ASCC3: variants seen among roughly 807,000 people sequenced by gnomAD.
ASCC3 encodes the protein ASC-1 complex subunit P200.
ASCC3 carries 158 observed loss-of-function variants against 256.3 expected under a neutral mutation model. The observed-to-expected ratio is 0.62, with a 90% CI of 0.54 to 0.70. The LOEUF is 0.70. Among genes scored for constraint, ASCC3 ranks in the 30% least tolerant of loss-of-function variants. The pLI is 0.00. For missense variants in ASCC3, 2,259 were observed against 2,626.0 expected (o/e 0.86, Z 3.05); for synonymous variants, 948 against 883.4 (o/e 1.07, Z -1.30).
At chr6:100,778,560 A>T (rs1782298879) in intron 8 of ASCC3, among the ~76,000 whole-genome samples, 1 of 152,134 alleles carries the variant, frequency 6.6e-6, no homozygotes, top group Non-Finnish European at 1.5e-5. Flanking sequence ...ATTTGTGGTC[A>T]ATGGAATTTT....
intron 37 of ASCC3, among the ~76,000 whole-genome samples, chr6:100,531,558 G>A (rs369244951): frequency 1.6e-5 from 2 of 127,012 alleles, no homozygotes; most frequent in South Asian, 3.1e-4. Context: ...TGGTATTTTG[G>A]TTTGGGGGGA....
intron 37 of ASCC3, among the ~76,000 whole-genome samples, chr6:100,522,997 T>C (rs1283580495): frequency 1.4e-5 from 2 of 143,950 alleles, no homozygotes; most frequent in African/African-American, 5.2e-5. Flanking sequence ...CTGAGGAATG[T>C]GCATACTAGA....
At chr6:100,701,342 A>G (rs1778342286) in intron 13 of ASCC3, among the ~76,000 whole-genome samples, 1 of 152,108 alleles carries the variant, frequency 6.6e-6, no homozygotes, top group Non-Finnish European at 1.5e-5. Context: ...TAAAAACAGG[A>G]GTTTCCCTGC....
Position 100,661,856 on chromosome 6 carries a change from G to A in ASCC3, c.2653C>T (p.Pro885Ser). 1 of 1,613,222 alleles carries A rather than the reference G, an allele frequency of 6.2e-7. No homozygotes were observed. The highest frequency in any genetic ancestry group is 8.5e-7 in the Non-Finnish European group (1 of 1,179,408). The change falls in exon 16 of 42, where the codon CCA (proline) becomes TCA (serine). Residue 885 changes from proline (P) to serine (S), a missense_variant. Pro to Ser is a moderately conservative substitution (Grantham distance 74, BLOSUM62 -1). Around this residue, in one of 2 missense-constraint regions of ASCC3, gnomAD observed 1,839 missense variants for 2,206.7 expected, o/e 0.83. Coordinates refer to ENST00000369162, the MANE Select transcript of ASCC3 (RefSeq NM_006828.4). The stretch of plus-strand genomic sequence containing the variant: ...CTTTCCAGAAACTGACTCTCAATTG[G>A]GTTTCGTTGAGTGAGCAAAGTGAGG... ...HYLTLLTQRN[P>S]IESQFLESLA...
chr6:100,529,572 T>G (rs28509193), intron 37 of ASCC3, among the ~76,000 whole-genome samples: 1 of 152,152 alleles, frequency 6.6e-6, no homozygotes, highest in Non-Finnish European at 1.5e-5. Context: ...AAGTATGCAT[T>G]GAAAAACAGG....
chr6:100,553,526 T>C (rs1405956493), intron 36 of ASCC3, among the ~76,000 whole-genome samples: 1 of 152,038 alleles, frequency 6.6e-6, no homozygotes, highest in Non-Finnish European at 1.5e-5. Flanking sequence ...GTCTGCCCTA[T>C]CCTTGTTTAT....
chr6:100,746,132 C>A (rs528877133), intron 10 of ASCC3, among the ~76,000 whole-genome samples: 40 of 56,996 alleles, frequency 7.0e-4, no homozygotes, highest in African/African-American at 2.0e-3. Context: ...AATCATCAAT[C>A]CAACTTTTAA....
chr6:100,833,052 C>T (rs1771696754), intron 4 of ASCC3, among the ~76,000 whole-genome samples: 1 of 152,018 alleles, frequency 6.6e-6, no homozygotes, highest in South Asian at 2.1e-4. Flanking sequence ...AAGCAACCAA[C>T]ATATCCTTCA....
chr6:100,744,003 T>C (rs1428133992), intron 10 of ASCC3, among the ~76,000 whole-genome samples: 1 of 152,220 alleles, frequency 6.6e-6, no homozygotes. Context: ...TAAACACTGA[T>C]TGTTAAATGA....
At chr6:100,659,929 A>G (rs1449079695) in intron 16 of ASCC3, among the ~76,000 whole-genome samples, 1 of 149,172 alleles carries the variant, frequency 6.7e-6, no homozygotes, top group Non-Finnish European at 1.5e-5. Flanking sequence ...AGTTCATCCC[A>G]TCTCTGTAGA....
At chr6:100,785,630 T>C (rs1769030517) in intron 8 of ASCC3, among the ~76,000 whole-genome samples, 2 of 152,134 alleles carry the variant, frequency 1.3e-5, no homozygotes, top group Admixed American at 1.3e-4. Context: ...CAGGCTGGCC[T>C]TGAACTCCTA....
intron 30 of ASCC3, among the ~76,000 whole-genome samples, chr6:100,608,089 T>A (rs1297916030): frequency 2.0e-5 from 2 of 102,478 alleles, no homozygotes; most frequent in African/African-American, 8.5e-5. Context: ...TGTATATATA[T>A]CTATATACAC....
chr6:100,790,534 T>G (rs1174089966), intron 8 of ASCC3, among the ~76,000 whole-genome samples: 3 of 152,012 alleles, frequency 2.0e-5, no homozygotes, highest in Non-Finnish European at 2.9e-5. Context: ...TTTCTGTGTG[T>G]TGTTGTAGGT....
chr6:100,621,239 A>G (rs1773935950), intron 30 of ASCC3, among the ~76,000 whole-genome samples: 2 of 152,148 alleles, frequency 1.3e-5, no homozygotes, highest in South Asian at 4.1e-4. Flanking sequence ...GGAACAGAAA[A>G]CCAAATGGAA....
At chr6:100,726,728 C>T (rs1269246126) in intron 10 of ASCC3, among the ~76,000 whole-genome samples, 1 of 151,998 alleles carries the variant, frequency 6.6e-6, no homozygotes, top group Non-Finnish European at 1.5e-5. Context: ...GTTCCCTGAA[C>T]TAAAATGGCT....
intron 3 of ASCC3, chr6:100,858,640 C>G: frequency 1.0e-6 from 1 of 991,670 alleles, no homozygotes; most frequent in Non-Finnish European, 1.2e-6. Flanking sequence ...TCATTATAAA[C>G]ACTTGATCAC....
intron 36 of ASCC3, among the ~76,000 whole-genome samples, chr6:100,559,563 T>G (rs1388343099): frequency 6.6e-6 from 1 of 152,106 alleles, no homozygotes; most frequent in African/African-American, 2.4e-5. Context: ...TAAATTCTGT[T>G]ACAGGGCTGG....
At chr6:100,530,991 T>C (rs1351793253) in intron 37 of ASCC3, 15 of 1,592,432 alleles carry the variant, frequency 9.4e-6, no homozygotes, top group Non-Finnish European at 1.2e-5. Context: ...CCTGTTCTTA[T>C]TGATGACTTT....
In ASCC3 at chr6:100,510,103, T is replaced by C. The variant is rs1426103849; in HGVS notation, c.6290A>G (p.Lys2097Arg). Residue 2097 changes from lysine to arginine, a missense_variant, in exon 41 of 42, where the codon AAG becomes AGG. Lys to Arg is a conservative substitution (Grantham distance 26). This residue lies in a region of ASCC3 where 1,839 missense variants were observed against 2,206.7 expected (regional missense o/e 0.83). Coordinates refer to ENST00000369162, the MANE Select transcript of ASCC3 (RefSeq NM_006828.4). ...AGGAGTAACTGCACAGCTCTCTGGC[T>C]TTCCCTGTAAACCAGAAAAAAAGAT... is the stretch of plus-strand genomic sequence containing the variant. ...QRVHFGFHKG[K>R]PESCAVTPRF... 1.4e-5 allele frequency: 23 copies of C among 1,614,164 alleles called. No individual in the cohort carries two copies. The highest frequency in any genetic ancestry group is 1.9e-5 in the Non-Finnish European group (23 of 1,180,014).
Sources: allele counts gnomAD v4.1 joint callset (sites outside exome capture counted in the v4.1 genomes callset), GRCh38; gene constraint gnomAD v4.1.1; regional missense constraint gnomAD v4.1.1; transcripts MANE v1.5; gene names NCBI Gene and HGNC (gene_info 2026-07-23, HGNC 2026-07-21).